Variants in ATG7 observed in about 807,000 individuals in gnomAD.
ATG7 encodes ubiquitin-like modifier-activating enzyme ATG7.
In ATG7, 70 loss-of-function variants were observed where a neutral mutation model predicts 82.4. The observed-to-expected ratio is 0.85, with a 90% confidence interval of 0.70 to 1.04. The LOEUF (loss-of-function observed/expected upper bound fraction) is 1.04, where lower values mean the gene tolerates loss of function less well. ATG7 is among the 50% of genes least tolerant of loss of function. The pLI is 0.00. For synonymous variants in ATG7, 287 were observed against 313.0 expected, an observed-to-expected ratio of 0.92 and a Z score of 0.88; for missense variants, 792 against 864.3, an observed-to-expected ratio of 0.92 and a Z score of 1.05.
intron 20 of ATG7, chr3:11,488,503 G>A (rs968179672): frequency 4.7e-5 from 58 of 1,237,698 alleles, no homozygotes; most frequent in Non-Finnish European, 5.4e-5. Flanking sequence ...GGGTGTCAGC[G>A]CCGCGACTGT....
chr3:11,322,934 A>T (rs529979708), intron 9 of ATG7, among the ~76,000 whole-genome samples: 1 of 152,334 alleles, frequency 6.6e-6, no homozygotes, highest in Non-Finnish European at 1.5e-5. Context: ...CTCTGTCTCT[A>T]CAAAAAATTT....
At chr3:11,286,999 C>T (rs189665072) in intron 3 of ATG7, among the ~76,000 whole-genome samples, 223 of 151,916 alleles carry the variant, frequency 1.5e-3, no homozygotes, top group Middle Eastern at 6.8e-3. Context: ...ACTCCTGCCC[C>T]CAAGCAGTCC....
chr3:11,565,670 C>T, the ATG7 span, among the ~76,000 whole-genome samples: 50 of 152,304 alleles, frequency 3.3e-4, no homozygotes, highest in Middle Eastern at 0.014. The surrounding 1 kb of genome is among the most constrained non-coding windows in gnomAD (Gnocchi z 4.1). Flanking sequence ...CCAGGACACA[C>T]GAGCAGGAGT....
intron 18 of ATG7, among the ~76,000 whole-genome samples, chr3:11,372,907 GAAAAC>G (rs2077133667): frequency 1.3e-5 from 2 of 151,094 alleles, no homozygotes; most frequent in African/African-American, 4.9e-5. Flanking sequence ...GGGAGAATGA[GAAAAC>G]AATATTCAGG....
intron 3 of ATG7, among the ~76,000 whole-genome samples, chr3:11,293,273 T>C (rs1202789322): frequency 2.6e-5 from 4 of 152,154 alleles, no homozygotes; most frequent in African/African-American, 7.2e-5. Context: ...CTCACGCCTG[T>C]AATCCCAGCA....
chr3:11,474,023 G>A (rs940677726), intron 20 of ATG7, among the ~76,000 whole-genome samples: 1 of 152,238 alleles, frequency 6.6e-6, no homozygotes, highest in African/African-American at 2.4e-5. Context: ...GCCAGGGGAA[G>A]GTGTTAATCT....
intron 20 of ATG7, among the ~76,000 whole-genome samples, chr3:11,429,355 G>A (rs2082655387): frequency 6.6e-6 from 1 of 152,024 alleles, no homozygotes. Context: ...AATTAGTCGG[G>A]CATGGTGGCA....
At chr3:11,426,644 T>G (rs1007924836) in intron 19 of ATG7, among the ~76,000 whole-genome samples, 160 bp from the exon 20 acceptor site, 2 of 152,248 alleles carry the variant, frequency 1.3e-5, no homozygotes, top group African/African-American at 4.8e-5. Flanking sequence ...TGATAAATAC[T>G]AAGCCGTACT....
chr3:11,503,860 A>G (rs1318840630), intron 20 of ATG7, among the ~76,000 whole-genome samples: 3 of 152,200 alleles, frequency 2.0e-5, no homozygotes, highest in South Asian at 2.1e-4. Flanking sequence ...AATTTAGACT[A>G]TCTTCCAGAA....
intron 20 of ATG7, among the ~76,000 whole-genome samples, chr3:11,483,450 A>G (rs1218456596): frequency 6.6e-6 from 1 of 152,068 alleles, no homozygotes; most frequent in Non-Finnish European, 1.5e-5. Flanking sequence ...CTTTCCCTTG[A>G]TTATGTTTGA....
At chr3:11,379,134 T>C (rs182041598) in intron 18 of ATG7, among the ~76,000 whole-genome samples, 18 of 152,282 alleles carry the variant, frequency 1.2e-4, no homozygotes, top group South Asian at 2.1e-4. Context: ...CTGAGGTTTT[T>C]CAACATAAAA....
At chr3:11,558,789 G>A (rs746300153), downstream of ATG7, 7 of 1,613,830 alleles carry the variant, frequency 4.3e-6, no homozygotes, top group East Asian at 2.2e-5. Context: ...AGGCTCCTGC[G>A]GAAATGCTCC....
At chr3:11,515,837 A>G (rs1315173190) in intron 20 of ATG7, among the ~76,000 whole-genome samples, 1 of 152,152 alleles carries the variant, frequency 6.6e-6, no homozygotes, top group Non-Finnish European at 1.5e-5. Flanking sequence ...TGGGCTAAAG[A>G]CAGTCTAAAC....
chr3:11,401,102 G>A (rs2079794940), intron 19 of ATG7, among the ~76,000 whole-genome samples: 1 of 152,168 alleles, frequency 6.6e-6, no homozygotes, highest in Admixed American at 6.5e-5. Flanking sequence ...TGCCATTTGG[G>A]AACTTGCTAG....
At chr3:11,500,344 C>T (rs2091230821) in intron 20 of ATG7, among the ~76,000 whole-genome samples, 1 of 152,138 alleles carries the variant, frequency 6.6e-6, no homozygotes, top group Admixed American at 6.5e-5. Context: ...GATGAACCTT[C>T]TTAGTTGCCA....
At chr3:11,480,787 C>G (rs2088869202) in intron 20 of ATG7, among the ~76,000 whole-genome samples, 1 of 152,186 alleles carries the variant, frequency 6.6e-6, no homozygotes, top group African/African-American at 2.4e-5. Context: ...GAAGGCTTTC[C>G]TGGGAGAGCG....
chr3:11,427,467 C>G (rs895697891), intron 20 of ATG7, among the ~76,000 whole-genome samples: 3 of 148,240 alleles, frequency 2.0e-5, no homozygotes, highest in Non-Finnish European at 1.5e-5. Flanking sequence ...TTTTGCAGAT[C>G]TTAATTTCCT....
intron 20 of ATG7, among the ~76,000 whole-genome samples, chr3:11,484,364 A>G (rs2089369717): frequency 6.6e-6 from 1 of 152,214 alleles, no homozygotes; most frequent in South Asian, 2.1e-4. Context: ...ACTGTACTCT[A>G]GCCCGGATGA....
chr3:11,414,965 C>T (rs1351249099), intron 19 of ATG7, among the ~76,000 whole-genome samples: 1 of 152,142 alleles, frequency 6.6e-6, no homozygotes, highest in Non-Finnish European at 1.5e-5. Context: ...GATGGGGATA[C>T]CTTCTGAGAA....
Sources: allele counts gnomAD v4.1 joint callset (sites outside exome capture counted in the v4.1 genomes callset), GRCh38; gene constraint gnomAD v4.1.1; non-coding constraint Gnocchi (gnomAD v3.1); transcripts MANE v1.5; gene names NCBI Gene and HGNC (gene_info 2026-07-23, HGNC 2026-07-21).